Variants in EFHD1 observed in about 807,000 individuals in gnomAD.
EFHD1 encodes EF-hand domain family member D1.
EFHD1 carries 10 observed loss-of-function variants against 17.2 expected under a neutral mutation model. That is an observed-to-expected ratio of 0.58 (90% CI 0.36 to 0.99). EFHD1 has a LOEUF of 0.99. Among genes scored for constraint, EFHD1 ranks in the 50% least tolerant of loss-of-function variants. EFHD1 has a pLI of 0.01. For synonymous variants in EFHD1, 153 were observed against 142.0 expected (o/e 1.08, Z -0.55); for missense variants, 310 against 327.5 (o/e 0.95, Z 0.41).
Position 232,616,095 on chromosome 2 carries a change from C to T in EFHD1, c.14+9922C>T, listed in dbSNP as rs554837727. ...GCGTGCCATGTTCATAGCCGACTTA[C>T]TCACACAGCCAAAAGGTGGAAACCA... is the stretch of plus-strand genomic sequence containing the variant. On this transcript the variant is annotated intron_variant, in intron 1 of 3. Transcript: ENST00000409613. Among the ~76,000 whole-genome samples the T allele has an allele frequency of 3.9e-5, 6 of 152,252 alleles. 1 individual carries two copies. Among genetic ancestry groups the T allele is most frequent in the African/African-American group, 1.4e-4 (6 of 41,562 alleles).
chr2:232,672,299 TC>T lies in EFHD1; in HGVS notation c.451-6del, dbSNP rs764204679. 1 of 1,614,102 alleles carries T rather than the reference TC, an allele frequency of 6.2e-7. No individual in the cohort carries two copies. The highest frequency in any genetic ancestry group is 8.5e-7 in the Non-Finnish European group (1 of 1,179,996). On this transcript the variant is annotated splice_polypyrimidine_tract_variant and intron_variant, in intron 2 of 3. Coordinates refer to ENST00000264059, the MANE Select transcript of EFHD1 (RefSeq NM_025202.4). ...ACTGACTCTGGTTCCCTACTTTCTT[TC>T]CCCTGTAGTTCCTGCTCATTTTCCA...
At chr2:232,644,082 G>A (rs555232253) in intron 1 of EFHD1, among the ~76,000 whole-genome samples, 26 of 152,198 alleles carry the variant, frequency 1.7e-4, no homozygotes, top group Admixed American at 7.2e-4. Flanking sequence ...TGTGTCGACC[G>A]CTCCCAGGCC....
At chr2:232,659,360 C>T (rs1398693591) in intron 1 of EFHD1, among the ~76,000 whole-genome samples, 13 of 151,924 alleles carry the variant, frequency 8.6e-5, no homozygotes, top group Admixed American at 1.3e-4. Flanking sequence ...TGCTAAGTCC[C>T]GGAGAAGGAT....
chr2:232,654,161 C>T (rs1410109677), intron 1 of EFHD1, among the ~76,000 whole-genome samples: 12 of 149,196 alleles, frequency 8.0e-5, no homozygotes, highest in African/African-American at 1.5e-4. Flanking sequence ...GAGCTGAGAT[C>T]GCACCACTGC....
chr2:232,660,807 G>A lies in EFHD1; in HGVS notation c.303-1995G>A, dbSNP rs552160016. Among the ~76,000 whole-genome samples the A allele has an allele frequency of 4.6e-5, 7 of 151,986 alleles. No homozygotes were observed. The South Asian group carries it at 6.2e-4, about 14-fold the overall frequency. On this transcript the variant is annotated intron_variant, in intron 1 of 3. Transcript: ENST00000264059. ...AGCCTGGCCAACATGGTGAAACCCC[G>A]TCTCTACTAAAAATACAAAAATTAG... is the stretch of plus-strand genomic sequence containing the variant.
chr2:232,674,108 G>A (rs1454759382), intron 3 of EFHD1, among the ~76,000 whole-genome samples: 2 of 151,996 alleles, frequency 1.3e-5, no homozygotes, highest in African/African-American at 4.8e-5. Context: ...AGGGTTTCAC[G>A]ATATTGGCCA....
upstream of EFHD1, among the ~76,000 whole-genome samples, chr2:232,631,203 G>A (rs1694194897): frequency 6.6e-6 from 1 of 151,826 alleles, no homozygotes; most frequent in Non-Finnish European, 1.5e-5. Context: ...CTTCAGCCTG[G>A]GCAACAAGAG....
intron 2 of EFHD1, among the ~76,000 whole-genome samples, chr2:232,670,184 A>G (rs1191692463): frequency 6.6e-6 from 1 of 151,874 alleles, no homozygotes; most frequent in African/African-American, 2.4e-5. Flanking sequence ...ATAGCTGGGC[A>G]TGGTGGCTCA....
upstream of EFHD1, among the ~76,000 whole-genome samples, chr2:232,630,285 C>T (rs754403142): frequency 1.6e-4 from 24 of 152,206 alleles, no homozygotes; most frequent in Non-Finnish European, 5.9e-5. Context: ...AGGTGCCCGA[C>T]TGGACATCGG....
chr2:232,659,711 C>T (rs116553920), intron 1 of EFHD1, among the ~76,000 whole-genome samples: 1,702 of 152,084 alleles, frequency 0.011, 14 homozygotes, highest in Non-Finnish European at 0.018. Flanking sequence ...TGAGTCAGTT[C>T]TCAAACAGCA....
intron 2 of EFHD1, among the ~76,000 whole-genome samples, chr2:232,667,511 A>T (rs1301048004): frequency 6.6e-6 from 1 of 151,746 alleles, no homozygotes; most frequent in Admixed American, 6.6e-5. Flanking sequence ...GGTTTTTGAG[A>T]CATCTTATTT....
chr2:232,624,834 CCT>C (rs1694079990), intron 1 of EFHD1, among the ~76,000 whole-genome samples: 1 of 152,114 alleles, frequency 6.6e-6, no homozygotes, highest in Non-Finnish European at 1.5e-5. Flanking sequence ...ACGCTTACAG[CCT>C]CTGTTTTTCA....
chr2:232,653,239 C>T (rs538425138), intron 1 of EFHD1, among the ~76,000 whole-genome samples: 40 of 152,196 alleles, frequency 2.6e-4, no homozygotes, highest in Admixed American at 4.6e-4. Context: ...GTGATCCACC[C>T]GCCTAGGCCT....
intron 1 of EFHD1, among the ~76,000 whole-genome samples, chr2:232,639,169 C>T (rs1408188291): frequency 2.6e-5 from 4 of 152,136 alleles, no homozygotes; most frequent in Admixed American, 2.6e-4. Context: ...ATGTCTCCTC[C>T]ACCATCCTTG....
intron 1 of EFHD1, among the ~76,000 whole-genome samples, chr2:232,651,753 C>T (rs1486017038): frequency 6.6e-6 from 1 of 152,212 alleles, no homozygotes; most frequent in East Asian, 1.9e-4. Flanking sequence ...ACCCCGAAGG[C>T]GGATGTTGTA....
chr2:232,675,601 G>A (rs1484747648), intron 3 of EFHD1, among the ~76,000 whole-genome samples: 1 of 152,208 alleles, frequency 6.6e-6, no homozygotes, highest in Non-Finnish European at 1.5e-5. Context: ...CACAGCCGCA[G>A]GTGCAGGGGA....
At chr2:232,631,893 C>T (rs1694209668), upstream of EFHD1, among the ~76,000 whole-genome samples, 1 of 151,728 alleles carries the variant, frequency 6.6e-6, no homozygotes, top group South Asian at 2.1e-4. Context: ...ATCCCAGCTA[C>T]TCAGGAGGCT....
At chr2:232,677,264 A>AAC (rs1191654911) in intron 3 of EFHD1, among the ~76,000 whole-genome samples, 2 of 52,946 alleles carry the variant, frequency 3.8e-5, no homozygotes, top group Admixed American at 3.3e-4. Context: ...ATCTTTCTAT[A>AAC]ACACACACAT....
chr2:232,633,773 C>A lies in EFHD1; in HGVS notation c.69C>A (p.Gly23=). Residue 23 remains glycine, a synonymous_variant, in exon 1 of 4, where the codon GGC becomes GGA. Transcript: ENST00000264059. ...RLRREEAEES[G]PQLAPLGAPA... ...GGCGCGAGGAGGCCGAGGAGAGTGGCCCCCAGCTGGCTCCCCTCGGCGCCC... is the reference window on the plus strand; with the variant it reads ...GGCGCGAGGAGGCCGAGGAGAGTGGACCCCAGCTGGCTCCCCTCGGCGCCC... 1.4e-6 allele frequency: 2 copies of A among 1,462,752 alleles called. No individual in the cohort carries two copies. Among genetic ancestry groups the A allele is most frequent in the Non-Finnish European group, 1.8e-6 (2 of 1,115,368 alleles). The allele number at this position is 1,462,752 out of a possible 1,614,324, so 90.6% of individuals were successfully genotyped here.
Sources: allele counts gnomAD v4.1 joint callset (sites outside exome capture counted in the v4.1 genomes callset), GRCh38; gene constraint gnomAD v4.1.1; transcripts MANE v1.5; gene names NCBI Gene and HGNC (gene_info 2026-07-23, HGNC 2026-07-21).